The following STXBP2 variants were observed in gnomAD, a reference collection of about 807,000 sequenced individuals.
STXBP2 encodes syntaxin-binding protein 2.
STXBP2 carries 47 observed loss-of-function variants against 72.2 expected under a neutral mutation model. The ratio of observed to expected loss-of-function variants is 0.65; its 90% confidence interval spans 0.51 to 0.83. STXBP2 has a LOEUF of 0.83. Ranked by LOEUF, STXBP2 falls within the 40% of genes least tolerant of loss-of-function variation. The pLI is 0.00. For synonymous variants in STXBP2, 367 were observed against 338.7 expected (o/e 1.08, Z -0.92); for missense variants, 702 against 807.6 (o/e 0.87, Z 1.58).
the STXBP2 span, chr19:7,631,409 T>TGTGGGGGGGGGGGGGGGGGGGG: frequency 3.1e-6 from 2 of 638,364 alleles, no homozygotes; most frequent in Non-Finnish European, 4.3e-6. Context: ...CGGGGGGGGG[T>TGTGGGGGGGGGGGGGGGGGGGG]GGTCCCGGCT....
Position 7,637,169 on chromosome 19 carries a change from A to T in STXBP2, c.20A>T (p.Lys7Met). Residue 7 changes from lysine to methionine, a missense_variant, in exon 1 of 19, where the codon AAG becomes ATG. Transcript: ENST00000221283. The stretch of plus-strand genomic sequence containing the variant: ...GGGAAGATGGCGCCCTCGGGGCTGA[A>T]GGCGGTGGTGGGGGAAAGTGAGTGC... MAPSGL[K>M]AVVGEKILSG... is the part of the protein sequence containing the mutation. 8.0e-7 allele frequency: 1 copy of T among 1,243,034 alleles called. No homozygotes were observed. The highest frequency in any genetic ancestry group is 1.0e-6 in the Non-Finnish European group (1 of 988,382). 77.0% of individuals were successfully genotyped at this position (1,243,034 alleles called of 1,614,324 possible). A position where few individuals can be genotyped will look rare whatever the true frequency, so the allele number is the denominator to read the frequency against.
upstream of STXBP2, chr19:7,633,573 C>CAGA: frequency 2.0e-6 from 2 of 989,018 alleles, no homozygotes; most frequent in Non-Finnish European, 3.1e-6. Flanking sequence ...AAATCCCCAG[C>CAGA]TCATGCCCCA....
At chr19:7,631,525 A>C in the STXBP2 span, 1 of 1,535,994 alleles carries the variant, frequency 6.5e-7, no homozygotes, top group Non-Finnish European at 8.7e-7. Flanking sequence ...CGGGAGGAGA[A>C]GCTCCTTCGC....
chr19:7,632,138 C>T (rs1177202417), upstream of STXBP2: 18 of 612,554 alleles, frequency 2.9e-5, no homozygotes, highest in Non-Finnish European at 5.5e-6. The surrounding 1 kb of genome is among the most constrained non-coding windows in gnomAD (Gnocchi z 5.2). Flanking sequence ...TATTTTCTCC[C>T]TTTGGCCTCC....
At chr19:7,638,992 C>T in intron 2 of STXBP2, 27 bp from the exon 3 acceptor site, 1 of 1,613,372 alleles carries the variant, frequency 6.2e-7, no homozygotes, top group East Asian at 2.2e-5. Context: ...CCTGCTCCTC[C>T]ATCCATCTGT....
chr19:7,637,785 C>T (rs1028473728), intron 1 of STXBP2, among the ~76,000 whole-genome samples: 3 of 152,222 alleles, frequency 2.0e-5, no homozygotes, highest in Admixed American at 6.5e-5. Flanking sequence ...CTGCTCCTTC[C>T]GCCCTGGCCG....
rs762517510 is a variant in STXBP2 at position 7,642,951 on chromosome 19, C to T, written c.961-32C>T. On this transcript the variant is annotated intron_variant, in intron 11 of 18. Transcript: ENST00000221283. This position sits in a 1 kb window ranked among gnomAD's most constrained non-coding sequence, Gnocchi z 6.0. ...GTGGGCACTGCCTGGCTTCGCCCCC[C>T]AATCCCTACCCTCTTCCCCCTACTT... 1 of 1,613,880 alleles carries T rather than the reference C, an allele frequency of 6.2e-7. No homozygotes were observed. Among genetic ancestry groups the T allele is most frequent in the African/African-American group, 1.3e-5 (1 of 74,910 alleles).
chr19:7,645,639 G>C (rs1350559227), intron 15 of STXBP2, among the ~76,000 whole-genome samples: 1 of 151,906 alleles, frequency 6.6e-6, no homozygotes, highest in East Asian at 1.9e-4. Context: ...TGTCTATCTG[G>C]GCTCCCAGGG....
chr19:7,642,677 C>G lies in STXBP2; in HGVS notation c.903-89C>G. The G allele has an allele frequency of 6.7e-7, 1 of 1,484,768 alleles. No homozygotes were observed. The highest frequency in any genetic ancestry group is 9.3e-7 in the Non-Finnish European group (1 of 1,070,032). The allele number at this position is 1,484,768 out of a possible 1,614,324, so 92.0% of individuals were successfully genotyped here. ...CTCCAGACTGGCCTCCAATTTCACC[C>G]CACCTCTCCCTGTCCCCCCTGAGTG... On this transcript the variant is annotated intron_variant, in intron 10 of 18. Transcript: ENST00000221283. The surrounding 1 kb of genome is among the most constrained non-coding windows in gnomAD (Gnocchi z 6.0).
chr19:7,638,527 A>G (rs2031655279), intron 1 of STXBP2, among the ~76,000 whole-genome samples, 199 bp from the exon 2 acceptor site: 1 of 152,014 alleles, frequency 6.6e-6, no homozygotes, highest in African/African-American at 2.4e-5. Flanking sequence ...GCTGGAGCCC[A>G]GGAGTTGGAG....
rs375332778 is a variant in STXBP2 at position 7,647,728 on chromosome 19, C to T, written c.1700C>T (p.Ser567Phe). Residue 567 changes from serine (S) to phenylalanine (F), a missense_variant, in exon 19 of 19, where the codon TCC becomes TTC. Physicochemically the swap from Ser to Phe is radical, Grantham distance 155 (BLOSUM62 -2). Transcript: ENST00000221283. ...TEGKWEVLIG[S>F]SHILTPTRFL... ...CCAAACCTCTGCCCCTGCACAGGCT[C>T]CTCACACATCCTCACCCCGACCCGC... The T allele has an allele frequency of 1.9e-6, 3 of 1,613,970 alleles. No individual in the cohort carries two copies. Among genetic ancestry groups the T allele is most frequent in the African/African-American group, 1.3e-5 (1 of 74,904 alleles).
In STXBP2 at chr19:7,638,957, C is replaced by G. The variant is rs2031679387; in HGVS notation, c.88-62C>G. On this transcript the variant is annotated intron_variant, in intron 2 of 18. Coordinates refer to ENST00000221283, the MANE Select transcript of STXBP2 (RefSeq NM_006949.4). The stretch of plus-strand genomic sequence containing the variant: ...GCCCCTCCCACTGCCTTGGCCCCTT[C>G]TGGGGCCAGCTGTGGCCTCTTCCGC... 29 of 1,597,348 alleles carry G rather than the reference C, an allele frequency of 1.8e-5. 1 individual carries two copies. The South Asian group carries it at 2.9e-4, about 16-fold the overall frequency.
At chr19:7,644,542 T>C (rs2032048918) in intron 13 of STXBP2, 72 bp from the exon 14 acceptor site, 1 of 1,593,394 alleles carries the variant, frequency 6.3e-7, no homozygotes, top group African/African-American at 1.3e-5. Context: ...CCTGGGGATG[T>C]CCTTGGCCCG....
chr19:7,642,317 G>C lies in STXBP2; in HGVS notation c.778G>C (p.Glu260Gln), dbSNP rs1279733096. 6 of 1,614,084 alleles carry C rather than the reference G, an allele frequency of 3.7e-6. No individual in the cohort carries two copies. Among genetic ancestry groups the C allele is most frequent in the South Asian group, 3.3e-5 (3 of 91,082 alleles). ...CATGGCGTATGATCTGCTGGACATA[G>C]AGCAGGACACATACAGGTCTGCAGA... ...QAMAYDLLDI[E>Q]QDTYRYETTG... Residue 260 changes from glutamate (E) to glutamine (Q), a missense_variant, in exon 9 of 19, where the codon GAG becomes CAG. Glu to Gln is a conservative substitution (Grantham distance 29, BLOSUM62 2). Coordinates refer to ENST00000221283, the MANE Select transcript of STXBP2 (RefSeq NM_006949.4). The surrounding 1 kb of genome is among the most constrained non-coding windows in gnomAD (Gnocchi z 6.0).
chr19:7,640,993 A>G lies in STXBP2; in HGVS notation c.419A>G (p.Tyr140Cys), dbSNP rs1202493559. 3 of 1,613,984 alleles carry G rather than the reference A, an allele frequency of 1.9e-6. No individual in the cohort carries two copies. Among genetic ancestry groups the G allele is most frequent in the Non-Finnish European group, 8.5e-7 (1 of 1,179,914 alleles). The change falls in exon 6 of 19, where the codon TAC becomes TGC. Residue 140 changes from tyrosine (Y) to cysteine (C), a missense_variant. By Grantham distance (194) the Tyr-to-Cys change is radical. Coordinates refer to ENST00000221283, the MANE Select transcript of STXBP2 (RefSeq NM_006949.4). ...GAGATTCACCTTGCCTTCCTCCCCT[A>G]CGAGGCCCAGGTACGGCCCGGGCTC... is the stretch of plus-strand genomic sequence containing the variant. ...LKEIHLAFLP[Y>C]EAQVFSLDAP... is the part of the protein sequence containing the mutation.
chr19:7,633,331 C>T (rs1015029257), upstream of STXBP2: 9 of 1,341,458 alleles, frequency 6.7e-6, no homozygotes, highest in South Asian at 2.6e-5. Context: ...TAATTAGGTG[C>T]CCTACAAACT....
chr19:7,633,379 G>C, upstream of STXBP2: 2 of 1,552,946 alleles, frequency 1.3e-6, no homozygotes, highest in Non-Finnish European at 1.7e-6. Flanking sequence ...CTTGAGCTGG[G>C]GGTGGGGTGG....
At chr19:7,637,104 C>T, upstream of STXBP2, 1 of 1,236,862 alleles carries the variant, frequency 8.1e-7, no homozygotes, top group East Asian at 3.2e-5. Flanking sequence ...GCCACGCCCC[C>T]ACCTTGGGAC....
At chr19:7,647,056 GT>G (rs2032163049) in intron 16 of STXBP2, 105 bp from the exon 17 acceptor site, 1 of 1,192,996 alleles carries the variant, frequency 8.4e-7, no homozygotes, top group East Asian at 2.4e-5. Context: ...GGAGATGCTG[GT>G]TCCTGTCTGC....
Sources: allele counts gnomAD v4.1 joint callset (sites outside exome capture counted in the v4.1 genomes callset), GRCh38; gene constraint gnomAD v4.1.1; non-coding constraint Gnocchi (gnomAD v3.1); transcripts MANE v1.5; gene names NCBI Gene and HGNC (gene_info 2026-07-23, HGNC 2026-07-21).